CFAP61: variants seen among roughly 807,000 people sequenced by gnomAD.
CFAP61 encodes cilia- and flagella-associated protein 61.
In CFAP61, 107 loss-of-function variants were observed where a neutral mutation model predicts 135.6. That is an observed-to-expected ratio of 0.79 (90% CI 0.67 to 0.93). The LOEUF is 0.93. Among genes scored for constraint, CFAP61 ranks in the 40% least tolerant of loss-of-function variants. The pLI, the probability that CFAP61 is intolerant of heterozygous loss-of-function variation, is 0.00. For missense variants in CFAP61, 1,507 were observed against 1,556.2 expected, an observed-to-expected ratio of 0.97 and a Z score of 0.53; for synonymous variants, 575 against 578.5, an observed-to-expected ratio of 0.99 and a Z score of 0.09.
chr20:20,108,317 A>G (rs779830090), intron 8 of CFAP61, among the ~76,000 whole-genome samples: 10 of 152,202 alleles, frequency 6.6e-5, no homozygotes, highest in Admixed American at 3.9e-4. Context: ...ATACTATAAA[A>G]AGATCCATAT....
intron 8 of CFAP61, among the ~76,000 whole-genome samples, chr20:20,130,872 TC>T (rs2050469319): frequency 6.6e-6 from 1 of 151,834 alleles, no homozygotes. Context: ...TAGTCCCACC[TC>T]CCCACTTTGT....
chr20:20,073,634 C>T (rs2045872285), intron 3 of CFAP61, among the ~76,000 whole-genome samples: 1 of 151,684 alleles, frequency 6.6e-6, no homozygotes, highest in Non-Finnish European at 1.5e-5. Context: ...ATGTTTGAAC[C>T]ATTTACTCAT....
intron 4 of CFAP61, 120 bp downstream of exon 4, chr20:20,074,498 T>C: frequency 2.5e-6 from 2 of 788,490 alleles, no homozygotes; most frequent in Non-Finnish European, 2.1e-6. Context: ...TTTGTGGCTA[T>C]ATTAAAATAT....
chr20:20,055,875 G>A, intron 1 of CFAP61: 2 of 1,155,080 alleles, frequency 1.7e-6, no homozygotes, highest in Non-Finnish European at 2.6e-6. Flanking sequence ...GGAAAGAAGG[G>A]AGGGAAAGAG....
At chr20:20,298,533 AC>A in intron 25 of CFAP61, 147 bp downstream of exon 25, 2 of 696,922 alleles carry the variant, frequency 2.9e-6, no homozygotes, top group Non-Finnish European at 4.8e-6. Flanking sequence ...CTAATGAAGA[AC>A]ACCTGACGCT....
intron 25 of CFAP61, among the ~76,000 whole-genome samples, chr20:20,321,499 G>T (rs1366202340): frequency 1.3e-5 from 2 of 152,202 alleles, no homozygotes; most frequent in Non-Finnish European, 2.9e-5. Context: ...AGGTAAAAAG[G>T]AGAATCCATT....
At chr20:20,181,241 T>C (rs955272953) in intron 13 of CFAP61, among the ~76,000 whole-genome samples, 13 of 145,544 alleles carry the variant, frequency 8.9e-5, no homozygotes, top group Non-Finnish European at 9.0e-5. Flanking sequence ...AACTTTTATG[T>C]GTATATATAT....
intron 26 of CFAP61, among the ~76,000 whole-genome samples, chr20:20,347,954 T>G (rs879402385): frequency 4.0e-5 from 4 of 99,002 alleles, no homozygotes; most frequent in Non-Finnish European, 6.5e-5. Context: ...AAAAAAAAAA[T>G]GAACAAACTA....
chr20:20,213,033 C>T (rs1179152297), intron 17 of CFAP61, among the ~76,000 whole-genome samples: 3 of 152,140 alleles, frequency 2.0e-5, no homozygotes, highest in Admixed American at 6.5e-5. Context: ...AGGTACAACT[C>T]CTCTGATCAG....
At chr20:20,081,707 A>AT (rs2046445861) in intron 6 of CFAP61, among the ~76,000 whole-genome samples, 1 of 152,188 alleles carries the variant, frequency 6.6e-6, no homozygotes, top group South Asian at 2.1e-4. Flanking sequence ...GCTATGGACT[A>AT]TAACCTTCAG....
intron 17 of CFAP61, among the ~76,000 whole-genome samples, chr20:20,217,442 T>C (rs1377393684): frequency 6.6e-6 from 1 of 152,114 alleles, no homozygotes; most frequent in African/African-American, 2.4e-5. Context: ...GTGTTGAAAA[T>C]ATCCAGGAGT....
chr20:20,245,959 ATGGT>A (rs1320715614), intron 18 of CFAP61, among the ~76,000 whole-genome samples, 154 bp from the exon 19 acceptor site: 3 of 152,182 alleles, frequency 2.0e-5, no homozygotes, highest in African/African-American at 7.2e-5. Context: ...TTTCCTTGAA[ATGGT>A]TGGTTCTATC....
At chr20:20,166,301 G>A (rs1486454709) in intron 11 of CFAP61, 96 bp from the exon 12 acceptor site, 3 of 987,256 alleles carry the variant, frequency 3.0e-6, no homozygotes, top group African/African-American at 1.6e-5. Flanking sequence ...TTGGCTAATC[G>A]CTGCCCGAGG....
chr20:20,250,987 G>A (rs1390500923), intron 19 of CFAP61, among the ~76,000 whole-genome samples: 2 of 152,228 alleles, frequency 1.3e-5, no homozygotes, highest in Non-Finnish European at 2.9e-5. Flanking sequence ...CCTGAAGGGT[G>A]AATCCCAAAG....
At chr20:20,220,683 G>A (rs2048340157) in intron 17 of CFAP61, among the ~76,000 whole-genome samples, 1 of 152,196 alleles carries the variant, frequency 6.6e-6, no homozygotes, top group Admixed American at 6.5e-5. Context: ...GAATGTAAAA[G>A]AAGTAAGGGT....
In CFAP61 at chr20:20,251,713, G is replaced by A. The variant is rs139670332; in HGVS notation, c.2278G>A (p.Glu760Lys). 5.0e-6 allele frequency: 8 copies of A among 1,614,148 alleles called. No homozygotes were observed. Among genetic ancestry groups the A allele is most frequent in the African/African-American group, 2.7e-5 (2 of 75,052 alleles). The change falls in exon 20 of 27, where the codon GAG (glutamate) becomes AAG (lysine). Residue 760 changes from glutamate (E) to lysine (K), a missense_variant. Coordinates refer to ENST00000245957, the MANE Select transcript of CFAP61 (RefSeq NM_015585.4). ...CAAGCACGTTGTGCTTTCCACGGAC[G>A]AGATCGTGCCCTACGACCACCTCAT... is the stretch of plus-strand genomic sequence containing the variant. The part of the protein sequence containing the change: ...AAKHVVLSTD[E>K]IVPYDHLILC...
At chr20:20,328,038 G>A (rs1448651448) in intron 25 of CFAP61, among the ~76,000 whole-genome samples, 1 of 152,216 alleles carries the variant, frequency 6.6e-6, no homozygotes, top group Non-Finnish European at 1.5e-5. Context: ...AGCGCCAGCT[G>A]TGGTTGTGCA....
chr20:20,169,597 T>G (rs2054077515), intron 13 of CFAP61, 137 bp downstream of exon 13: 1 of 719,774 alleles, frequency 1.4e-6, no homozygotes, highest in Non-Finnish European at 2.0e-6. Context: ...GAGTAAGTGA[T>G]TTTAACTAAT....
intron 26 of CFAP61, among the ~76,000 whole-genome samples, chr20:20,343,357 C>T (rs1292132943): frequency 2.0e-5 from 3 of 152,328 alleles, no homozygotes; most frequent in South Asian, 4.1e-4. Context: ...TAATCTGAAG[C>T]AGGCTTAGAT....
Sources: allele counts gnomAD v4.1 joint callset (sites outside exome capture counted in the v4.1 genomes callset), GRCh38; gene constraint gnomAD v4.1.1; transcripts MANE v1.5; gene names NCBI Gene and HGNC (gene_info 2026-07-23, HGNC 2026-07-21).